OPRD1: variants seen among roughly 807,000 people sequenced by gnomAD.
OPRD1 encodes opioid receptor delta 1.
OPRD1 carries 19 observed loss-of-function variants against 17.5 expected under a neutral mutation model. The observed-to-expected ratio is 1.09, with a 90% CI of 0.76 to 1.60. The LOEUF (loss-of-function observed/expected upper bound fraction) is 1.60. Among genes scored for constraint, OPRD1 ranks in the 40% most tolerant of loss-of-function variants. The pLI is 0.00. For synonymous variants in OPRD1, 256 were observed against 240.9 expected (o/e 1.06, Z -0.58); for missense variants, 483 against 547.2 (o/e 0.88, Z 1.17).
intron 1 of OPRD1, among the ~76,000 whole-genome samples, chr1:28,845,750 G>A (rs2088934384): frequency 6.6e-6 from 1 of 151,866 alleles, no homozygotes; most frequent in Admixed American, 6.6e-5. Context: ...TTTGTATATG[G>A]TGTAAGGGAA....
intron 1 of OPRD1, among the ~76,000 whole-genome samples, chr1:28,857,885 C>T (rs1343698306): frequency 4.0e-5 from 6 of 151,890 alleles, no homozygotes; most frequent in Admixed American, 1.3e-4. Context: ...CTCTGCCTCC[C>T]GGGTTCAAGC....
chr1:28,832,855 A>G (rs1404844480), intron 1 of OPRD1, among the ~76,000 whole-genome samples: 1 of 152,186 alleles, frequency 6.6e-6, no homozygotes, highest in Non-Finnish European at 1.5e-5. Context: ...TCCCTAGCCC[A>G]TTGTCTTCAA....
chr1:28,826,716 G>C (rs111311102), intron 1 of OPRD1, among the ~76,000 whole-genome samples: 30 of 152,200 alleles, frequency 2.0e-4, no homozygotes, highest in African/African-American at 7.0e-4. Context: ...CTGCTGGTTG[G>C]GGGTAGTGGT....
chr1:28,867,628 C>T lies in OPRD1; in HGVS notation c.*4345C>T, dbSNP rs1287016001. 1.3e-5 allele frequency: 2 copies of T among 152,274 alleles called. No individual in the cohort carries two copies. The highest frequency in any genetic ancestry group is 4.8e-5 in the African/African-American group (2 of 41,424). The allele number at this position is 152,274 out of a possible 1,614,324, so 9.4% of individuals were successfully genotyped here. A position where few individuals can be genotyped will look rare whatever the true frequency, so the allele number is the denominator to read the frequency against. Reference sequence around the variant, plus strand: ...AAGTACTGGGTTTACAGGTGTGAGCCACTGTGCCCAGCTCTCATACCTCGT... The same window carrying T: ...AAGTACTGGGTTTACAGGTGTGAGCTACTGTGCCCAGCTCTCATACCTCGT... On this transcript the variant is annotated 3_prime_UTR_variant, in exon 3 of 3. Coordinates refer to ENST00000234961, the MANE Select transcript of OPRD1 (RefSeq NM_000911.4).
intron 1 of OPRD1, among the ~76,000 whole-genome samples, chr1:28,812,848 T>G (rs928600553): frequency 6.6e-6 from 1 of 152,138 alleles, no homozygotes; most frequent in African/African-American, 2.4e-5. Context: ...TTGACTAAAT[T>G]ACATTTGATC....
chr1:28,828,679 C>T (rs941051549), intron 1 of OPRD1, among the ~76,000 whole-genome samples: 8 of 120,142 alleles, frequency 6.7e-5, no homozygotes, highest in Admixed American at 1.0e-4. Context: ...GAGTGAAACT[C>T]GATCTCTTAA....
chr1:28,852,164 TAAAAAAAAAAAAAA>T (rs71030305), intron 1 of OPRD1, among the ~76,000 whole-genome samples: 5 of 86,752 alleles, frequency 5.8e-5, no homozygotes, highest in Non-Finnish European at 1.1e-4. Flanking sequence ...AAACTCCATG[TAAAAAAAAAAAAAA>T]AAAAAAAAGA....
intron 1 of OPRD1, among the ~76,000 whole-genome samples, chr1:28,853,587 A>G (rs1017813127): frequency 3.9e-5 from 6 of 152,252 alleles, no homozygotes; most frequent in African/African-American, 1.4e-4. Context: ...TAATCACTAT[A>G]AGAATAGCTA....
chr1:28,867,057 A>C lies in OPRD1; in HGVS notation c.*3774A>C, dbSNP rs2089181295. 1 of 150,544 alleles carries C rather than the reference A, an allele frequency of 6.6e-6. No homozygotes were observed. Among genetic ancestry groups the C allele is most frequent in the South Asian group, 2.1e-4 (1 of 4,764 alleles). The allele number at this position is 150,544 out of a possible 1,614,324, so 9.3% of individuals were successfully genotyped here. A position where few individuals can be genotyped will look rare whatever the true frequency, so the allele number is the denominator to read the frequency against. ...TGCTCTGTTGCCCAGTCTGGAGTGC[A>C]AGTGCAGTGGTGCAGTCATAGCTCA... is the stretch of plus-strand genomic sequence containing the variant. On this transcript the variant is annotated 3_prime_UTR_variant, in exon 3 of 3. Transcript: ENST00000234961.
At chr1:28,823,097 A>G (rs989866643) in intron 1 of OPRD1, among the ~76,000 whole-genome samples, 2 of 151,042 alleles carry the variant, frequency 1.3e-5, no homozygotes, top group African/African-American at 4.9e-5. Flanking sequence ...GTTGTGTTCT[A>G]CTGATTTATA....
At chr1:28,818,101 A>G (rs138403827) in intron 1 of OPRD1, among the ~76,000 whole-genome samples, 2 of 152,340 alleles carry the variant, frequency 1.3e-5, no homozygotes, top group East Asian at 1.9e-4. Context: ...AGGCTGTAGC[A>G]TAGCACCTGG....
rs948993717 is a variant in OPRD1 at position 28,862,599 on chromosome 1, C to T, written c.578-143C>T. On this transcript the variant is annotated intron_variant, in intron 2 of 2. Transcript: ENST00000234961. Reference sequence around the variant, plus strand: ...AGTACCGAAGCCGAGGAGGACACTCCAGACAGAAGAATCCCCTTGAACAAA... The same window carrying T: ...AGTACCGAAGCCGAGGAGGACACTCTAGACAGAAGAATCCCCTTGAACAAA... 1.1e-5 allele frequency: 8 copies of T among 738,846 alleles called. No homozygotes were observed. In the East Asian group the frequency reaches 1.6e-4, roughly 15 times the overall value. The allele number at this position is 738,846 out of a possible 1,614,324, so 45.8% of individuals were successfully genotyped here. A position where few individuals can be genotyped will look rare whatever the true frequency, so the allele number is the denominator to read the frequency against.
intron 1 of OPRD1, among the ~76,000 whole-genome samples, chr1:28,835,288 GTGT>G (rs1481575315): frequency 4.6e-5 from 7 of 152,202 alleles, no homozygotes; most frequent in Non-Finnish European, 7.3e-5. Flanking sequence ...TGCCATGAGT[GTGT>G]TGTTCTTGAA....
chr1:28,837,616 C>A (rs2124272714), intron 1 of OPRD1, among the ~76,000 whole-genome samples: 1 of 151,870 alleles, frequency 6.6e-6, no homozygotes, highest in Admixed American at 6.6e-5. Flanking sequence ...CCACTGCACT[C>A]CAGCCTGGTG....
chr1:28,846,833 CTTTCTTTCTTTCT>C (rs780700555), intron 1 of OPRD1, among the ~76,000 whole-genome samples: 903 of 75,954 alleles, frequency 0.012, 7 homozygotes, highest in Admixed American at 0.018. Flanking sequence ...TTCTTTCTTT[CTTTCTTTCTTTCT>C]TTTCTTTCTT....
At chr1:28,846,690 G>GAA (rs61593060) in intron 1 of OPRD1, among the ~76,000 whole-genome samples, 1,584 of 114,062 alleles carry the variant, frequency 0.014, 48 homozygotes, top group Admixed American at 0.089. Flanking sequence ...CTCAAAAAAA[G>GAA]AAAAAAAAAA....
rs2089188914 is a variant in OPRD1 at position 28,867,909 on chromosome 1, A to G, written c.*4626A>G. On this transcript the variant is annotated 3_prime_UTR_variant, in exon 3 of 3. Coordinates refer to ENST00000234961, the MANE Select transcript of OPRD1 (RefSeq NM_000911.4). ...GAAGAGTAGGTGAGCTGTCGGGGCT[A>G]GTGATGGAGAGAGAGAAGAGACTGG... 6.6e-6 allele frequency: 1 copy of G among 152,270 alleles called. No individual in the cohort carries two copies. The highest frequency in any genetic ancestry group is 1.5e-5 in the Non-Finnish European group (1 of 68,096). The allele number at this position is 152,270 out of a possible 1,614,324, so 9.4% of individuals were successfully genotyped here. A position where few individuals can be genotyped will look rare whatever the true frequency, so the allele number is the denominator to read the frequency against.
At chr1:28,826,899 A>G (rs777288846) in intron 1 of OPRD1, among the ~76,000 whole-genome samples, 1 of 152,190 alleles carries the variant, frequency 6.6e-6, no homozygotes, top group African/African-American at 2.4e-5. Flanking sequence ...CTCAAATCCT[A>G]TTGCTGCTTT....
chr1:28,828,561 C>T (rs1039853568), intron 1 of OPRD1, among the ~76,000 whole-genome samples: 1 of 151,996 alleles, frequency 6.6e-6, no homozygotes, highest in East Asian at 1.9e-4. Context: ...GTGGCTCATA[C>T]CTGTAATCCC....
Sources: allele counts gnomAD v4.1 joint callset (sites outside exome capture counted in the v4.1 genomes callset), GRCh38; gene constraint gnomAD v4.1.1; transcripts MANE v1.5; gene names NCBI Gene and HGNC (gene_info 2026-07-23, HGNC 2026-07-21).